The following FNBP4 variants were observed in gnomAD, a reference collection of about 807,000 sequenced individuals.
FNBP4 encodes formin binding protein 4.
Under a neutral mutation model 119.3 loss-of-function variants are expected in FNBP4, and 34 were observed. The observed-to-expected ratio is 0.28, with a 90% CI of 0.22 to 0.38. FNBP4 has a LOEUF of 0.38. Among genes scored for constraint, FNBP4 ranks in the 10% least tolerant of loss-of-function variants. The probability of loss-of-function intolerance (pLI) is 1.00; values close to 1 mark genes in which losing one functional copy is unlikely to be tolerated. For missense variants in FNBP4, 1,112 were observed against 1,228.9 expected (o/e 0.90, Z 1.42); for synonymous variants, 462 against 430.6 (o/e 1.07, Z -0.90).
At chr11:47,763,822 C>CT (rs2097641210) in intron 2 of FNBP4, among the ~76,000 whole-genome samples, 1 of 151,926 alleles carries the variant, frequency 6.6e-6, no homozygotes, top group Non-Finnish European at 1.5e-5. Context: ...TTTTAGCAGT[C>CT]TTTTTTTGAG....
rs766787489 is a variant in FNBP4 at position 47,717,508 on chromosome 11, T to C, written c.2968A>G (p.Met990Val). Residue 990 changes from methionine (M) to valine (V), a missense_variant, in exon 17 of 17, where the codon ATG becomes GTG. Met to Val is a conservative substitution (Grantham distance 21, BLOSUM62 1). Around this residue, in one of 2 missense-constraint regions of FNBP4, gnomAD observed 826 missense variants for 988.8 expected, o/e 0.84. Coordinates refer to ENST00000263773, the MANE Select transcript of FNBP4 (RefSeq NM_015308.5). Reference sequence around the variant, plus strand: ...TCAAAATTAGCATTTCTCTCTGCCATGCCACTGTGAAAACAACATACAGAT... The same window carrying C: ...TCAAAATTAGCATTTCTCTCTGCCACGCCACTGTGAAAACAACATACAGAT... ...EWKQQQLVSG[M>V]AERNANFEAL... The C allele has an allele frequency of 6.2e-7, 1 of 1,610,822 alleles. No individual in the cohort carries two copies. Among genetic ancestry groups the C allele is most frequent in the South Asian group, 1.1e-5 (1 of 90,900 alleles).
intron 2 of FNBP4, among the ~76,000 whole-genome samples, chr11:47,761,054 G>A (rs2097633199): frequency 1.3e-5 from 2 of 152,062 alleles, no homozygotes; most frequent in African/African-American, 4.8e-5. Context: ...CAGTGGACTG[G>A]CAAAGCAAAT....
chr11:47,752,638 C>T (rs1276984145), intron 4 of FNBP4: 5 of 262,254 alleles, frequency 1.9e-5, no homozygotes, highest in Admixed American at 9.4e-5. Context: ...AGTGAAACCA[C>T]GTCTCTACTA....
At chr11:47,744,292 G>A (rs2097586264) in intron 7 of FNBP4, 129 bp from the exon 8 acceptor site, 1 of 794,680 alleles carries the variant, frequency 1.3e-6, no homozygotes, top group African/African-American at 1.7e-5. Context: ...TTTTTTTTTG[G>A]AGACAGGCTC....
In FNBP4 at chr11:47,724,015, T is replaced by G. The variant is rs182652767; in HGVS notation, c.2464+13A>C. On this transcript the variant is annotated intron_variant, in intron 14 of 16. Coordinates refer to ENST00000263773, the MANE Select transcript of FNBP4 (RefSeq NM_015308.5). Reference sequence around the variant, plus strand: ...AATACATTGAGGAAAAACCACGCTCTATGCACAATTACCTGTAGCTATAGC... The same window carrying G: ...AATACATTGAGGAAAAACCACGCTCGATGCACAATTACCTGTAGCTATAGC... 4 of 1,611,352 alleles carry G rather than the reference T, an allele frequency of 2.5e-6. No individual in the cohort carries two copies. In the African/African-American group the frequency reaches 5.3e-5, roughly 22 times the overall value.
chr11:47,718,760 A>T (rs1162389890), intron 16 of FNBP4, among the ~76,000 whole-genome samples: 1 of 152,200 alleles, frequency 6.6e-6, no homozygotes, highest in African/African-American at 2.4e-5. Flanking sequence ...TATACCTTCA[A>T]AACAAGGAAA....
rs913911899 is a variant in FNBP4 at position 47,732,599 on chromosome 11, T to C, written c.1758A>G (p.Ala586=). The C allele has an allele frequency of 6.2e-7, 1 of 1,614,224 alleles. No homozygotes were observed. The highest frequency in any genetic ancestry group is 8.5e-7 in the Non-Finnish European group (1 of 1,180,034). The part of the protein sequence containing the change: ...NYLKRKLQDA[A]EQLKQYEINA... Reference sequence around the variant, plus strand: ...TTATTTCATACTGTTTTAGTTGTTCTGCTGCATCCTGAAGTTTTCGTTTAA... The same window carrying C: ...TTATTTCATACTGTTTTAGTTGTTCCGCTGCATCCTGAAGTTTTCGTTTAA... The change falls in exon 11 of 17, where the codon GCA becomes GCG. Residue 586 remains alanine (A), a synonymous_variant. Transcript: ENST00000263773. This position sits in a 1 kb window ranked among gnomAD's most constrained non-coding sequence, Gnocchi z 4.2.
rs185351544 is a variant in FNBP4 at position 47,738,343 on chromosome 11, G to A, written c.1457-1603C>T. ...GCACTTTGGGAGGCCGAGGAAGGTG[G>A]ATCACCTGAGGTCAGTTCAAGACCA... On this transcript the variant is annotated intron_variant, in intron 8 of 16. Coordinates refer to ENST00000263773, the MANE Select transcript of FNBP4 (RefSeq NM_015308.5). Among the ~76,000 whole-genome samples the A allele has an allele frequency of 6.0e-4, 92 of 152,128 alleles. No individual in the cohort carries two copies. The Middle Eastern group carries it at 0.02, about 34-fold the overall frequency.
chr11:47,730,893 A>T (rs561619001), intron 12 of FNBP4, among the ~76,000 whole-genome samples: 2 of 152,388 alleles, frequency 1.3e-5, no homozygotes, highest in East Asian at 3.9e-4. Context: ...CTCTGAAACA[A>T]GTACTAATGG....
intron 2 of FNBP4, among the ~76,000 whole-genome samples, chr11:47,755,706 G>T (rs1348940683): frequency 6.6e-6 from 1 of 150,866 alleles, no homozygotes; most frequent in East Asian, 1.9e-4. Context: ...TGCAAGGATA[G>T]CTTGAGCCCA....
rs374047242 is a variant in FNBP4, at chr11:47,724,779, C to G, written c.2009-1G>C. On this transcript the variant is annotated splice_acceptor_variant, in intron 12 of 16. Coordinates refer to ENST00000263773, the MANE Select transcript of FNBP4 (RefSeq NM_015308.5). LOFTEE classifies it high-confidence loss of function. The stretch of plus-strand genomic sequence containing the variant: ...GAAAAGGATTCTTTACAAAGAGAAC[C>G]TATGAAAACAGGTAAGAGTCAGGGA... 1 of 1,536,380 alleles carries G rather than the reference C, an allele frequency of 6.5e-7. No individual in the cohort carries two copies. Among genetic ancestry groups the G allele is most frequent in the Non-Finnish European group, 8.7e-7 (1 of 1,143,446 alleles).
chr11:47,752,665 T>A, intron 4 of FNBP4: 1 of 331,614 alleles, frequency 3.0e-6, no homozygotes, highest in Non-Finnish European at 5.6e-6. Context: ...AAAAGAGAAA[T>A]TAGCCAGGCA....
chr11:47,756,655 CATT>C (rs1263056272), intron 2 of FNBP4, among the ~76,000 whole-genome samples: 4 of 152,044 alleles, frequency 2.6e-5, no homozygotes, highest in Admixed American at 6.6e-5. Context: ...ATTAACTCAT[CATT>C]AACATTAGGT....
intron 2 of FNBP4, among the ~76,000 whole-genome samples, chr11:47,762,311 T>A (rs896835168): frequency 3.3e-5 from 5 of 151,884 alleles, no homozygotes; most frequent in African/African-American, 1.2e-4. Flanking sequence ...GTATTTTTAG[T>A]AGCGATGGGG....
At chr11:47,757,878 T>C (rs887838768) in intron 2 of FNBP4, among the ~76,000 whole-genome samples, 5 of 152,214 alleles carry the variant, frequency 3.3e-5, no homozygotes, top group African/African-American at 1.2e-4. Context: ...GCAGAAGCAG[T>C]GGATCACTAC....
At chr11:47,718,333 C>A (rs1257711704) in intron 16 of FNBP4, among the ~76,000 whole-genome samples, 1 of 152,110 alleles carries the variant, frequency 6.6e-6, no homozygotes, top group Non-Finnish European at 1.5e-5. Context: ...CCTGCCTCAG[C>A]CTCCCAAGTG....
At chr11:47,754,148 G>A (rs1409338208) in intron 3 of FNBP4, among the ~76,000 whole-genome samples, 5 of 151,692 alleles carry the variant, frequency 3.3e-5, no homozygotes, top group African/African-American at 1.2e-4. Flanking sequence ...GACAGGTTGC[G>A]GTGAGGCGAG....
intron 2 of FNBP4, among the ~76,000 whole-genome samples, chr11:47,762,505 T>C (rs1183162920): frequency 1.3e-5 from 2 of 152,052 alleles, no homozygotes; most frequent in Non-Finnish European, 2.9e-5. Flanking sequence ...CATATATAGC[T>C]GACTGCAGCC....
chr11:47,760,862 T>A (rs1245366883), intron 2 of FNBP4, among the ~76,000 whole-genome samples: 4 of 152,164 alleles, frequency 2.6e-5, no homozygotes, highest in Non-Finnish European at 5.9e-5. Flanking sequence ...ACCGCCTAGA[T>A]TCCATATATC....
Sources: allele counts gnomAD v4.1 joint callset (sites outside exome capture counted in the v4.1 genomes callset), GRCh38; gene constraint gnomAD v4.1.1; regional missense constraint gnomAD v4.1.1; non-coding constraint Gnocchi (gnomAD v3.1); transcripts MANE v1.5; gene names NCBI Gene and HGNC (gene_info 2026-07-23, HGNC 2026-07-21).